XIAP: variants seen among roughly 807,000 people sequenced by gnomAD.
XIAP encodes the protein X-linked inhibitor of apoptosis, also known as E3 ubiquitin-protein ligase XIAP.
XIAP carries 3 observed loss-of-function variants against 33.1 expected under a neutral mutation model. The observed-to-expected ratio is 0.09, with a 90% CI of 0.04 to 0.23. The LOEUF is 0.23. XIAP is among the 10% of genes least tolerant of loss of function. XIAP has a pLI of 1.00. For missense variants in XIAP, 264 were observed against 363.0 expected (o/e 0.73, Z 2.22); for synonymous variants, 98 against 121.3 (o/e 0.81, Z 1.26).
In XIAP at chrX:123,885,944, C is replaced by T. The variant is rs1173739392; in HGVS notation, c.282C>T (p.Asn94=). The T allele has an allele frequency of 1.2e-5, 14 of 1,210,063 alleles. 1 individual carries two copies. The highest frequency in any genetic ancestry group is 3.5e-5 in the South Asian group (2 of 56,879). ...RKVSPNCRFI[N]GFYLENSATQ... ...TATCCCCAAATTGCAGATTTATCAA[C>T]GGCTTTTATCTTGAAAATAGTGCCA... The change falls in exon 2 of 7, where the codon AAC becomes AAT. Residue 94 remains asparagine, a synonymous_variant. Transcript: ENST00000371199.
At position 123,908,681 on chromosome X, in the gene XIAP, C is replaced by G. The variant is rs1183963655; in HGVS notation, c.*1500C>G. 1.1e-5 allele frequency: 4 copies of G among 352,273 alleles called. No individual in the cohort carries two copies. The highest frequency in any genetic ancestry group is 9.5e-5 in the Admixed American group (3 of 31,454). The allele number at this position is 352,273 out of a possible 1,213,427, so 29.0% of individuals were successfully genotyped here. ...TAGATACTTCTGAAATAAATGTTCT[C>G]TCAAGATCCTTAAAACCTCTTGGAA... On this transcript the variant is annotated 3_prime_UTR_variant, in exon 7 of 7. Transcript: ENST00000371199.
chrX:123,861,814 C>T (rs760927919), intron 1 of XIAP, among the ~76,000 whole-genome samples: 1 of 111,696 alleles, frequency 9.0e-6, no homozygotes, highest in African/African-American at 3.3e-5. Flanking sequence ...GTCAACTCAG[C>T]TGACAAAGCA....
chrX:123,880,750 A>T (rs890380322), intron 1 of XIAP, among the ~76,000 whole-genome samples: 3 of 108,606 alleles, frequency 2.8e-5, no homozygotes, highest in Non-Finnish European at 5.7e-5. Context: ...AAAAAAAAAA[A>T]AAAAAAGGGA....
chrX:123,870,240 G>A (rs2053182129), intron 1 of XIAP, among the ~76,000 whole-genome samples: 1 of 112,773 alleles, frequency 8.9e-6, no homozygotes, highest in Admixed American at 9.4e-5. Context: ...GGGATTACAG[G>A]CTTAAGCCAC....
chrX:123,891,825 A>T (rs1213062564), intron 4 of XIAP, among the ~76,000 whole-genome samples: 2 of 45,205 alleles, frequency 4.4e-5, no homozygotes, highest in Non-Finnish European at 7.3e-5. Flanking sequence ...CTATCTCTTA[A>T]AAAAAAAAAA....
Position 123,910,714 on chromosome X carries a change from G to A in XIAP, c.*3533G>A, listed in dbSNP as rs1419909391. On this transcript the variant is annotated 3_prime_UTR_variant, in exon 7 of 7. Transcript: ENST00000371199. ...GAAACCCCGTCTCTACTAAAAAACA[G>A]AAAATTAGCCGGGCGTGGTGGCGGG... 3.5e-6 allele frequency: 1 copy of A among 286,961 alleles called. No individual in the cohort carries two copies. The highest frequency in any genetic ancestry group is 4.1e-5 in the Admixed American group (1 of 24,550). The allele number at this position is 286,961 out of a possible 1,213,427, so 23.6% of individuals were successfully genotyped here.
At chrX:123,902,133 A>G (rs2053519323) in intron 6 of XIAP, among the ~76,000 whole-genome samples, 2 of 112,151 alleles carry the variant, frequency 1.8e-5, no homozygotes, top group Admixed American at 1.9e-4. Context: ...TTTGGCCATA[A>G]ATTGTTAGTT....
chrX:123,863,873 C>T (rs1384407526), intron 1 of XIAP, among the ~76,000 whole-genome samples: 1 of 111,694 alleles, frequency 9.0e-6, no homozygotes, highest in African/African-American at 3.3e-5. Context: ...ATTAGCAAAG[C>T]TTGGACTAGA....
intron 1 of XIAP, among the ~76,000 whole-genome samples, chrX:123,877,515 G>A (rs1017960602): frequency 8.9e-5 from 10 of 112,362 alleles, no homozygotes; most frequent in African/African-American, 3.2e-4. Flanking sequence ...AACATGGAAA[G>A]CAACTCCTAA....
intron 6 of XIAP, among the ~76,000 whole-genome samples, chrX:123,901,767 C>G (rs2053516058): frequency 9.0e-6 from 1 of 111,355 alleles, no homozygotes; most frequent in Non-Finnish European, 1.9e-5. Context: ...TTAAAACTTA[C>G]ACAAGCTCCA....
chrX:123,876,679 C>T (rs759376056), intron 1 of XIAP, among the ~76,000 whole-genome samples: 3 of 109,773 alleles, frequency 2.7e-5, no homozygotes, highest in East Asian at 2.8e-4. Flanking sequence ...CACTCCAACT[C>T]GGGCAACAGA....
rs2053345657 is a variant in XIAP, at chrX:123,885,805, C to T, written c.143C>T (p.Ala48Val). The T allele has an allele frequency of 8.3e-7, 1 of 1,210,324 alleles. No individual in the cohort carries two copies. The highest frequency in any genetic ancestry group is 1.7e-5 in the African/African-American group (1 of 57,337). ...AGTCCTGTTTCAGCATCAACACTGG[C>T]ACGAGCAGGGTTTCTTTATACTGGT... is the stretch of plus-strand genomic sequence containing the variant. ...SGSPVSASTL[A>V]RAGFLYTGEG... The change falls in exon 2 of 7, where the codon GCA becomes GTA. Residue 48 changes from alanine (A) to valine (V), a missense_variant. By Grantham distance (64) the Ala-to-Val change is moderately conservative. Transcript: ENST00000371199.
chrX:123,895,834 T>C (rs2053454869), intron 5 of XIAP, among the ~76,000 whole-genome samples: 2 of 107,572 alleles, frequency 1.9e-5, no homozygotes, highest in Non-Finnish European at 3.8e-5. Context: ...AGATCTTGGC[T>C]GATTGCAACC....
At chrX:123,893,948 C>G (rs906231250) in intron 5 of XIAP, among the ~76,000 whole-genome samples, 1 of 112,700 alleles carries the variant, frequency 8.9e-6, no homozygotes, top group Non-Finnish European at 1.9e-5. Context: ...GATAGGTTGC[C>G]TCATTGCCAT....
chrX:123,881,756 ATTT>A (rs35412191), intron 1 of XIAP, among the ~76,000 whole-genome samples: 2 of 90,465 alleles, frequency 2.2e-5, no homozygotes, highest in Non-Finnish European at 2.2e-5. Flanking sequence ...TTATACTTCT[ATTT>A]TTTTTTTTTT....
chrX:123,875,307 C>T (rs1050699096), intron 1 of XIAP, among the ~76,000 whole-genome samples: 5 of 111,463 alleles, frequency 4.5e-5, no homozygotes, highest in Admixed American at 1.9e-4. Flanking sequence ...AGGCGTGAGC[C>T]ACCGCGCCCG....
chrX:123,861,852 G>A (rs998564027), intron 1 of XIAP, among the ~76,000 whole-genome samples: 6 of 111,351 alleles, frequency 5.4e-5, no homozygotes, highest in East Asian at 2.8e-4. Context: ...CTCATGTTTC[G>A]TTTTCTTGTA....
At position 123,913,823 on chromosome X, in the gene XIAP, T is replaced by A. The variant is rs368517811; in HGVS notation, c.*6642T>A. On this transcript the variant is annotated 3_prime_UTR_variant, in exon 7 of 7. Transcript: ENST00000371199. ...TGAGACAGAGTACTATATTTGTGAATATAATTTTATGGTTTTTTTCACTTA... is the reference window on the plus strand; with the variant it reads ...TGAGACAGAGTACTATATTTGTGAAAATAATTTTATGGTTTTTTTCACTTA... The A allele has an allele frequency of 4.0e-5, 13 of 321,601 alleles. No homozygotes were observed. Among genetic ancestry groups the A allele is most frequent in the Admixed American group, 6.5e-5 (2 of 30,579 alleles). The allele number at this position is 321,601 out of a possible 1,213,427, so 26.5% of individuals were successfully genotyped here. A position where few individuals can be genotyped will look rare whatever the true frequency, so the allele number is the denominator to read the frequency against.
At chrX:123,869,145 C>G (rs2053169831) in intron 1 of XIAP, among the ~76,000 whole-genome samples, 4 of 109,626 alleles carry the variant, frequency 3.6e-5, no homozygotes, top group African/African-American at 1.3e-4. Context: ...TGTGCATTCC[C>G]TGGTACTTAT....
Sources: gnomAD v4.1 joint callset for allele counts (sites outside exome capture counted in the v4.1 genomes callset) on GRCh38, gnomAD v4.1.1 for gene constraint, MANE v1.5 for transcripts, NCBI Gene and HGNC (gene_info 2026-07-23, HGNC 2026-07-21) for gene names.